INTS4: variants seen among roughly 807,000 people sequenced by gnomAD.
The protein encoded by INTS4 is MSTP093.
Under a neutral mutation model 119.5 loss-of-function variants are expected in INTS4, and 70 were observed. The observed-to-expected ratio is 0.59, with a 90% CI of 0.48 to 0.71. The LOEUF is 0.71. INTS4 is among the 30% of genes least tolerant of loss of function. The pLI is 0.00. For synonymous variants in INTS4, 316 were observed against 419.6 expected (o/e 0.75, Z 3.02); for missense variants, 867 against 1,173.2 (o/e 0.74, Z 3.81).
chr11:77,989,651 A>C (rs1054579085), intron 2 of INTS4, among the ~76,000 whole-genome samples: 2 of 151,894 alleles, frequency 1.3e-5, no homozygotes, highest in Non-Finnish European at 2.9e-5. Context: ...GCAATTTGGA[A>C]GCCCAAGGAG....
intron 11 of INTS4, among the ~76,000 whole-genome samples, chr11:77,927,773 A>G (rs574663526): frequency 5.9e-5 from 9 of 152,334 alleles, no homozygotes; most frequent in Non-Finnish European, 1.2e-4. Flanking sequence ...ACTCTTCATT[A>G]TTTAGCCCCT....
At chr11:77,912,089 C>T (rs1336905882) in intron 15 of INTS4, among the ~76,000 whole-genome samples, 2 of 152,040 alleles carry the variant, frequency 1.3e-5, no homozygotes, top group South Asian at 2.1e-4. Context: ...CGGCTAGGCG[C>T]GGTGGCTCAC....
Position 77,938,842 on chromosome 11 carries a change from C to A in INTS4, c.991-17G>T, listed in dbSNP as rs775891460. ...ACGTTTCCTCTGCAGAGGACAACAA[C>A]AATTACCAATTGTAGGAGGTTCATG... On this transcript the variant is annotated splice_polypyrimidine_tract_variant and intron_variant, in intron 9 of 22. Transcript: ENST00000534064. The A allele has an allele frequency of 6.3e-7, 1 of 1,576,320 alleles. No individual in the cohort carries two copies. The highest frequency in any genetic ancestry group is 1.8e-5 in the Admixed American group (1 of 55,272).
At chr11:77,924,366 A>C (rs1953443496) in intron 12 of INTS4, 1 of 160,094 alleles carries the variant, frequency 6.2e-6, no homozygotes, top group Admixed American at 6.4e-5. Flanking sequence ...ACGCCACTGC[A>C]TTCTAGTCAG....
At chr11:77,920,250 C>T (rs4944182) in intron 14 of INTS4, among the ~76,000 whole-genome samples, 18 of 127,322 alleles carry the variant, frequency 1.4e-4, no homozygotes, top group Non-Finnish European at 2.0e-4. Context: ...CATATATATA[C>T]ATATATACAT....
At chr11:77,910,353 A>C (rs1373948742) in intron 15 of INTS4, among the ~76,000 whole-genome samples, 3 of 151,288 alleles carry the variant, frequency 2.0e-5, no homozygotes, top group Non-Finnish European at 4.4e-5. Flanking sequence ...ACAAAAAACC[A>C]AACACTGCCT....
intron 10 of INTS4, among the ~76,000 whole-genome samples, chr11:77,930,149 T>C (rs1011020226): frequency 7.9e-5 from 12 of 152,196 alleles, no homozygotes; most frequent in African/African-American, 2.2e-4. Flanking sequence ...TACATGGTTG[T>C]TTTTTTCTAG....
At chr11:77,947,868 C>T (rs1376356718) in intron 8 of INTS4, among the ~76,000 whole-genome samples, 2 of 152,146 alleles carry the variant, frequency 1.3e-5, no homozygotes, top group African/African-American at 4.8e-5. Context: ...CCCCTTGAGA[C>T]AGTCTTACTC....
At chr11:77,887,095 A>G (rs1000539052) in intron 21 of INTS4, among the ~76,000 whole-genome samples, 2 of 151,948 alleles carry the variant, frequency 1.3e-5, no homozygotes, top group African/African-American at 2.4e-5. Context: ...AAATAACTAA[A>G]ATCAGAGCAG....
At chr11:77,883,379 CA>C (rs1195900751) in intron 22 of INTS4, among the ~76,000 whole-genome samples, 3 of 152,012 alleles carry the variant, frequency 2.0e-5, no homozygotes. Flanking sequence ...ACAATTCAGA[CA>C]TAAGTTGGCA....
chr11:77,978,489 TAAAAATCAGAAAAA>T (rs1462940829), intron 4 of INTS4: 1 of 152,328 alleles, frequency 6.6e-6, no homozygotes. Flanking sequence ...TACATGTATT[TAAAAATCAGAAAAA>T]AAGAACGTAC....
intron 2 of INTS4, among the ~76,000 whole-genome samples, chr11:77,982,077 G>T (rs1442057534): frequency 1.3e-5 from 2 of 151,436 alleles, no homozygotes; most frequent in East Asian, 1.9e-4. Context: ...GGAGTCCCTG[G>T]AAAGTGAGTG....
chr11:77,957,929 A>G (rs944041185), intron 7 of INTS4, among the ~76,000 whole-genome samples: 2 of 152,078 alleles, frequency 1.3e-5, no homozygotes, highest in Non-Finnish European at 2.9e-5. Flanking sequence ...TCGGCCTCCG[A>G]AAGTGCTGGG....
chr11:77,966,304 G>T (rs781310456), intron 4 of INTS4, among the ~76,000 whole-genome samples: 1 of 152,092 alleles, frequency 6.6e-6, no homozygotes, highest in Non-Finnish European at 1.5e-5. Context: ...GTTTGATACA[G>T]TCCCATTTGT....
chr11:77,943,303 A>G (rs946679599), intron 8 of INTS4, among the ~76,000 whole-genome samples: 1 of 152,194 alleles, frequency 6.6e-6, no homozygotes, highest in African/African-American at 2.4e-5. Context: ...GAAGCTTTCC[A>G]TTTTAAGTCC....
chr11:77,986,981 T>C (rs1856484326), intron 2 of INTS4: 1 of 152,018 alleles, frequency 6.6e-6, no homozygotes, highest in South Asian at 2.1e-4. Flanking sequence ...GAACCTAAAG[T>C]ATAATAATAA....
chr11:77,977,654 T>C (rs1236530460), intron 4 of INTS4, among the ~76,000 whole-genome samples: 1 of 151,014 alleles, frequency 6.6e-6, no homozygotes, highest in Non-Finnish European at 1.5e-5. Context: ...GAATTTTCTA[T>C]GAGTACAAAT....
intron 14 of INTS4, among the ~76,000 whole-genome samples, chr11:77,920,024 G>T (rs1953301712): frequency 6.6e-6 from 1 of 151,836 alleles, no homozygotes. Context: ...GGCCAGGCTG[G>T]TCATGAACTC....
chr11:77,943,132 A>C (rs1953967744), intron 8 of INTS4, among the ~76,000 whole-genome samples: 2 of 152,254 alleles, frequency 1.3e-5, no homozygotes, highest in Admixed American at 1.3e-4. Context: ...ATGACTTCAC[A>C]GTAAGTTGCT....
Sources: allele counts gnomAD v4.1 joint callset (sites outside exome capture counted in the v4.1 genomes callset), GRCh38; gene constraint gnomAD v4.1.1; transcripts MANE v1.5; gene names NCBI Gene and HGNC (gene_info 2026-07-23, HGNC 2026-07-21).